SLCO4A1: variants seen among roughly 807,000 people sequenced by gnomAD.
SLCO4A1 encodes the protein colon organic anion transporter.
SLCO4A1 carries 51 observed loss-of-function variants against 64.6 expected under a neutral mutation model. That is an observed-to-expected ratio of 0.79 (90% CI 0.63 to 1.00). The LOEUF (loss-of-function observed/expected upper bound fraction) is 1.00. SLCO4A1 is among the 50% of genes least tolerant of loss of function. SLCO4A1 has a pLI of 0.00. For missense variants in SLCO4A1, 919 were observed against 980.5 expected, an observed-to-expected ratio of 0.94 and a Z score of 0.84; for synonymous variants, 471 against 444.9, an observed-to-expected ratio of 1.06 and a Z score of -0.74.
chr20:62,660,632 C>A, intron 4 of SLCO4A1, 99 bp downstream of exon 4: 14 of 1,386,292 alleles, frequency 1.0e-5, no homozygotes, highest in Non-Finnish European at 1.4e-5. Context: ...TTTTCCCCGC[C>A]ATGATCAAGT....
chr20:62,660,478 G>A lies in SLCO4A1; in HGVS notation c.954G>A (p.Gly318=), dbSNP rs749807399. 4 of 1,603,836 alleles carry A rather than the reference G, an allele frequency of 2.5e-6. No homozygotes were observed. The highest frequency in any genetic ancestry group is 2.7e-5 in the African/African-American group (2 of 74,854). The part of the protein sequence containing the change: ...GAWWVGFLGS[G]AAAFFTAVPI... ...GGTGGGTCGGCTTCCTGGGCTCTGG[G>A]GCCGCTGCTTTCTTCACCGCCGTTC... Residue 318 remains glycine, a synonymous_variant, in exon 4 of 12, where the codon GGG becomes GGA. Transcript: ENST00000217159.
At chr20:62,654,399 C>A (rs1479165049) in intron 1 of SLCO4A1, among the ~76,000 whole-genome samples, 1 of 152,244 alleles carries the variant, frequency 6.6e-6, no homozygotes, top group African/African-American at 2.4e-5. Flanking sequence ...CCGGTCCGCC[C>A]ACCCCAGCCC....
chr20:62,658,620 C>A, intron 2 of SLCO4A1, 57 bp from the exon 3 acceptor site: 2 of 1,430,272 alleles, frequency 1.4e-6, no homozygotes, highest in Non-Finnish European at 1.9e-6. Flanking sequence ...CCCCACACGG[C>A]CCTCCGCAGC....
chr20:62,661,794 G>A lies in SLCO4A1; in HGVS notation c.1121+619G>A, dbSNP rs186136773. ...CTTCCCTTTCTGCTGAGTGTGGTCC[G>A]GCCTTGCTTTGCTGTCTTGCTGCAC... On this transcript the variant is annotated intron_variant, in intron 5 of 11. Transcript: ENST00000217159. This position sits in a 1 kb window ranked among gnomAD's most constrained non-coding sequence, Gnocchi z 5.2. Among the ~76,000 whole-genome samples, 48 of 151,878 alleles carry A rather than the reference G, an allele frequency of 3.2e-4. No individual in the cohort carries two copies. The highest frequency in any genetic ancestry group is 2.8e-3 in the Admixed American group (42 of 15,262).
At chr20:62,689,946 AC>A (rs1053215769), downstream of SLCO4A1, among the ~76,000 whole-genome samples, 1 of 152,028 alleles carries the variant, frequency 6.6e-6, no homozygotes, top group South Asian at 2.1e-4. Flanking sequence ...CCCCACCCTC[AC>A]CCCCAGGGGC....
downstream of SLCO4A1, among the ~76,000 whole-genome samples, chr20:62,674,251 G>A (rs138214021): frequency 5.9e-5 from 9 of 152,308 alleles, no homozygotes; most frequent in African/African-American, 1.7e-4. Context: ...ACAGCTGGCC[G>A]CACCTGTCAG....
chr20:62,646,317 C>G (rs932337793), intron 1 of SLCO4A1, among the ~76,000 whole-genome samples: 2 of 152,232 alleles, frequency 1.3e-5, no homozygotes, highest in African/African-American at 4.8e-5. Context: ...CCTGGCTGCT[C>G]TGCACAGCAG....
intron 2 of SLCO4A1, among the ~76,000 whole-genome samples, chr20:62,680,703 GC>G (rs1397438126): frequency 6.6e-6 from 1 of 151,938 alleles, no homozygotes; most frequent in Non-Finnish European, 1.5e-5. Flanking sequence ...TGTTAAGCCT[GC>G]CCCCCACCCC....
At chr20:62,658,422 C>T (rs1304910694) in intron 2 of SLCO4A1, among the ~76,000 whole-genome samples, 5 of 152,234 alleles carry the variant, frequency 3.3e-5, no homozygotes, top group Admixed American at 6.5e-5. Context: ...AACGGGGCTT[C>T]GAGGGCCTTT....
rs1187479365 is a variant in SLCO4A1 at position 62,652,461 on chromosome 20, C to CG, written c.-96-3894dup. 2.0e-5 allele frequency among the ~76,000 whole-genome samples: 3 copies of CG among 152,300 alleles called. No individual in the cohort carries two copies. The East Asian group carries it at 5.8e-4, about 30-fold the overall frequency. On this transcript the variant is annotated intron_variant, in intron 1 of 11. Transcript: ENST00000217159. Reference sequence around the variant, plus strand: ...TTGCGCCTCCTCGTCAGTCCCGCCCCGGGGCTCTTGCTCCTCCGGCTTTTC... The same window carrying CG: ...TTGCGCCTCCTCGTCAGTCCCGCCCCGGGGGCTCTTGCTCCTCCGGCTTTTC...
intron 7 of SLCO4A1, among the ~76,000 whole-genome samples, chr20:62,666,997 A>G (rs971017297): frequency 5.3e-5 from 8 of 152,132 alleles, no homozygotes; most frequent in African/African-American, 1.4e-4. Context: ...ATTAGGGAAT[A>G]TCCAAAATAC....
chr20:62,663,511 T>A (rs998130156), intron 5 of SLCO4A1: 5 of 152,174 alleles, frequency 3.3e-5, no homozygotes, highest in Non-Finnish European at 7.4e-5. Flanking sequence ...AGAGGCGACA[T>A]GGACATGTCA....
chr20:62,646,835 T>C lies in SLCO4A1; in HGVS notation c.-97+4282T>C, dbSNP rs529838520. ...CATGCCCTTGAATGGCAGGAGAGTT[T>C]TCAGTTCCATGGATGGGATGATGAG... On this transcript the variant is annotated intron_variant, in intron 1 of 11. Coordinates refer to ENST00000217159, the MANE Select transcript of SLCO4A1 (RefSeq NM_016354.4). Among the ~76,000 whole-genome samples the C allele has an allele frequency of 1.6e-4, 24 of 152,372 alleles. 1 individual carries two copies. In the South Asian group the frequency reaches 5.0e-3, roughly 32 times the overall value.
rs967539011 is a variant in SLCO4A1, at chr20:62,657,337, G to T, written c.796+87G>T. On this transcript the variant is annotated intron_variant, in intron 2 of 11. Coordinates refer to ENST00000217159, the MANE Select transcript of SLCO4A1 (RefSeq NM_016354.4). Reference sequence around the variant, plus strand: ...AGGGTAACTGGCCGGAGCCAGCCCCGCCCCCTGCCTTCGTGTACCCCTTGT... The same window carrying T: ...AGGGTAACTGGCCGGAGCCAGCCCCTCCCCCTGCCTTCGTGTACCCCTTGT... 1.0e-4 allele frequency: 130 copies of T among 1,250,726 alleles called. No individual in the cohort carries two copies. The Middle Eastern group carries it at 2.5e-3, about 24-fold the overall frequency. The allele number at this position is 1,250,726 out of a possible 1,614,324, so 77.5% of individuals were successfully genotyped here.
In SLCO4A1 at chr20:62,644,759, A is replaced by T. The variant is rs1007145791; in HGVS notation, c.-97+2206A>T. 6.6e-6 allele frequency among the ~76,000 whole-genome samples: 1 copy of T among 152,216 alleles called. No individual in the cohort carries two copies. The highest frequency in any genetic ancestry group is 2.4e-5 in the African/African-American group (1 of 41,454). ...CTGGGGTGGGTACTGCTGAGCCAAT[A>T]TACATTCCTGGCTTCCTGGACTCGT... On this transcript the variant is annotated intron_variant, in intron 1 of 11. Coordinates refer to ENST00000217159, the MANE Select transcript of SLCO4A1 (RefSeq NM_016354.4). The surrounding 1 kb of genome is among the most constrained non-coding windows in gnomAD (Gnocchi z 5.4).
chr20:62,690,362 CA>C (rs1462825186), downstream of SLCO4A1, among the ~76,000 whole-genome samples: 4 of 152,260 alleles, frequency 2.6e-5, no homozygotes, highest in Non-Finnish European at 5.9e-5. Flanking sequence ...GTCACCTGCA[CA>C]AGGTCACCAT....
chr20:62,643,335 C>T (rs1471197562), intron 1 of SLCO4A1: 1 of 220,394 alleles, frequency 4.5e-6, no homozygotes, highest in South Asian at 4.3e-5. Flanking sequence ...CCTAGACCGG[C>T]CCTAGACCGG....
intron 2 of SLCO4A1, among the ~76,000 whole-genome samples, chr20:62,680,364 C>G (rs1235206633): frequency 6.6e-6 from 1 of 152,152 alleles, no homozygotes; most frequent in African/African-American, 2.4e-5. Context: ...TTTTTCTTGC[C>G]TTATTGCACT....
chr20:62,668,477 A>T lies in SLCO4A1; in HGVS notation c.1812A>T (p.Arg604=). Reference sequence around the variant, plus strand: ...CTGACGCTGTGGTTTTCTATTGCAGATGTGTCCGTGACCCTCAGAGATCCT... The same window carrying T: ...CTGACGCTGTGGTTTTCTATTGCAGTTGTGTCCGTGACCCTCAGAGATCCT... ...SSIPALTATL[R]CVRDPQRSFA... Residue 604 remains arginine (R), a splice_region_variant and synonymous_variant, in exon 10 of 12, where the codon CGA becomes CGT. Coordinates refer to ENST00000217159, the MANE Select transcript of SLCO4A1 (RefSeq NM_016354.4). The T allele has an allele frequency of 1.2e-6, 2 of 1,613,818 alleles. No homozygotes were observed. Among genetic ancestry groups the T allele is most frequent in the Non-Finnish European group, 1.7e-6 (2 of 1,179,950 alleles).
Sources: gnomAD v4.1 joint callset for allele counts (sites outside exome capture counted in the v4.1 genomes callset) on GRCh38, gnomAD v4.1.1 for gene constraint, Gnocchi (gnomAD v3.1) non-coding constraint, MANE v1.5 for transcripts, NCBI Gene and HGNC (gene_info 2026-07-23, HGNC 2026-07-21) for gene names.